The following CARD19 variants were observed in gnomAD, a reference collection of about 807,000 sequenced individuals.
CARD19 encodes the protein caspase recruitment domain family member 19, also known as caspase recruitment domain-containing protein 19.
A neutral mutation model predicts 24.1 loss-of-function variants in CARD19; 25 were observed. The ratio of observed to expected loss-of-function variants is 1.04; its 90% CI spans 0.76 to 1.45. The LOEUF is 1.45. CARD19 is among the 40% of genes most tolerant of loss of function. The pLI, the probability that CARD19 is intolerant of heterozygous loss-of-function variation, is 0.00. For synonymous variants in CARD19, 103 were observed against 104.9 expected (o/e 0.98, Z 0.11); for missense variants, 241 against 247.4 (o/e 0.97, Z 0.17).
chr9:93,110,515 C>A, intron 2 of CARD19, 53 bp from the exon 3 acceptor site: 3 of 1,546,280 alleles, frequency 1.9e-6, no homozygotes, highest in South Asian at 1.2e-5. Flanking sequence ...CTGCCCTGAC[C>A]CACAGCCAGC....
chr9:93,110,395 C>A, intron 2 of CARD19, 173 bp from the exon 3 acceptor site: 1 of 1,039,654 alleles, frequency 9.6e-7, no homozygotes, highest in South Asian at 1.7e-5. Flanking sequence ...AGAGGCAATG[C>A]CAGGCACTAT....
At chr9:93,109,755 C>G (rs1183392629) in intron 2 of CARD19, 1 of 152,194 alleles carries the variant, frequency 6.6e-6, no homozygotes, top group African/African-American at 2.4e-5. Context: ...TAGGCATGAG[C>G]CATTGTGCCT....
rs142716149 is a variant in CARD19 at position 93,102,349 on chromosome 9, A to G, written c.8-5325A>G. ...AAATGTCTATTCAAGTTCTTTGCCT[A>G]TTTTTGAATTGGGTTCTCTGTGTCT... On this transcript the variant is annotated intron_variant, in intron 1 of 5. Transcript: ENST00000375464. Among the ~76,000 whole-genome samples the G allele has an allele frequency of 2.6e-5, 4 of 152,114 alleles. No homozygotes were observed. In the East Asian group the frequency reaches 5.8e-4, roughly 22 times the overall value.
At chr9:93,106,580 A>AC (rs1554753882) in intron 1 of CARD19, among the ~76,000 whole-genome samples, 3 of 150,928 alleles carry the variant, frequency 2.0e-5, no homozygotes, top group African/African-American at 4.9e-5. Context: ...AAAAAAACAA[A>AC]AAAAAAAAAA....
At chr9:93,106,414 TA>T (rs56137204) in intron 1 of CARD19, among the ~76,000 whole-genome samples, 11 of 102,898 alleles carry the variant, frequency 1.1e-4, no homozygotes, top group South Asian at 3.6e-4. Context: ...CTGTCTCTAC[TA>T]AAAAAAAAAA....
intron 2 of CARD19, 135 bp from the exon 3 acceptor site, chr9:93,110,433 C>T (rs1397199405): frequency 1.6e-5 from 23 of 1,425,282 alleles, no homozygotes; most frequent in Non-Finnish European, 2.0e-5. Flanking sequence ...CAGGTTGTCA[C>T]AGGAGCTGCC....
chr9:93,103,433 T>A (rs577083989), intron 1 of CARD19, among the ~76,000 whole-genome samples: 2 of 152,346 alleles, frequency 1.3e-5, no homozygotes, highest in Non-Finnish European at 2.9e-5. Flanking sequence ...CCTAACACAA[T>A]GTAAATGCTA....
intron 2 of CARD19, among the ~76,000 whole-genome samples, chr9:93,108,185 T>C (rs569774694): frequency 6.7e-6 from 1 of 148,646 alleles, no homozygotes; most frequent in South Asian, 2.2e-4. Context: ...GAGGGAGGGG[T>C]GAGGAGGGAG....
intron 1 of CARD19, among the ~76,000 whole-genome samples, chr9:93,099,371 C>T (rs1826996830): frequency 6.6e-6 from 1 of 152,160 alleles, no homozygotes; most frequent in South Asian, 2.1e-4. Flanking sequence ...AGAGGCAGAA[C>T]GTCTGAATAT....
chr9:93,097,006 C>G (rs73651364), intron 1 of CARD19, among the ~76,000 whole-genome samples: 2,473 of 152,266 alleles, frequency 0.016, 62 homozygotes, highest in African/African-American at 0.057. Flanking sequence ...AGCCTTCCTC[C>G]CCAGGGCCTC....
intron 1 of CARD19, among the ~76,000 whole-genome samples, chr9:93,099,295 C>T (rs568494168): frequency 2.1e-4 from 32 of 152,284 alleles, no homozygotes; most frequent in Middle Eastern, 3.4e-3. Flanking sequence ...CAGCCTTGGG[C>T]GTGCTTTTGG....
At position 93,112,059 on chromosome 9, in the gene CARD19, C is replaced by T. The variant is rs879277381; in HGVS notation, c.364+121C>T. 5 of 1,411,530 alleles carry T rather than the reference C, an allele frequency of 3.5e-6. No individual in the cohort carries two copies. The Admixed American group carries it at 1.1e-4, about 30-fold the overall frequency. The allele number at this position is 1,411,530 out of a possible 1,614,324, so 87.4% of individuals were successfully genotyped here. ...CCCCAAGTCTGGCTCCATTCCTGGC[C>T]TTCTGTTGGTGACAGACCCCCCCCC... On this transcript the variant is annotated intron_variant, in intron 4 of 5. Coordinates refer to ENST00000375464, the MANE Select transcript of CARD19 (RefSeq NM_032310.5).
At chr9:93,111,043 G>A (rs1270485386) in intron 3 of CARD19, 17 of 1,400,602 alleles carry the variant, frequency 1.2e-5, no homozygotes, top group African/African-American at 1.4e-5. Flanking sequence ...CTCATTCCAC[G>A]GGGATCCCTT....
At chr9:93,111,572 T>TG in intron 3 of CARD19, 1 of 1,241,548 alleles carries the variant, frequency 8.1e-7, no homozygotes, top group Non-Finnish European at 1.0e-6. Context: ...TGGGACTGGC[T>TG]CTCCCTCCCC....
rs367756671 is a variant in CARD19, at chr9:93,106,582, A to AAC, written c.8-1091_8-1090insCA. On this transcript the variant is annotated intron_variant, in intron 1 of 5. Coordinates refer to ENST00000375464, the MANE Select transcript of CARD19 (RefSeq NM_032310.5). ...GACTCTATCTCAAAAAAAAACAAAA[A>AAC]AAAAAAAACAAAGTTTAACCTATTT... Among the ~76,000 whole-genome samples, 7 of 150,446 alleles carry AAC rather than the reference A, an allele frequency of 4.7e-5. No individual in the cohort carries two copies. The South Asian group carries it at 6.2e-4, about 13-fold the overall frequency.
Position 93,113,190 on chromosome 9 carries a change from T to C in CARD19, c.*83T>C, listed in dbSNP as rs752328386. On this transcript the variant is annotated 3_prime_UTR_variant, in exon 6 of 6. Transcript: ENST00000375464. ...CGCCAAGGGGACTGCTGCTTCTTTT[T>C]CTAAATGCATATTTTTCATTATTTA... 9 of 757,566 alleles carry C rather than the reference T, an allele frequency of 1.2e-5. No homozygotes were observed. The highest frequency in any genetic ancestry group is 2.3e-4 in the Middle Eastern group (1 of 4,280). The allele number at this position is 757,566 out of a possible 1,614,324, so 46.9% of individuals were successfully genotyped here.
chr9:93,106,301 G>T (rs551112640), intron 1 of CARD19, among the ~76,000 whole-genome samples: 1 of 151,402 alleles, frequency 6.6e-6, no homozygotes, highest in South Asian at 2.1e-4. Context: ...ATTTGGCTGG[G>T]TGTGGTGGCT....
intron 1 of CARD19, among the ~76,000 whole-genome samples, chr9:93,105,977 A>G (rs929563339): frequency 2.6e-5 from 4 of 152,156 alleles, no homozygotes; most frequent in African/African-American, 4.8e-5. Context: ...TTTGCTTCAT[A>G]TATTTTGAAG....
intron 2 of CARD19, among the ~76,000 whole-genome samples, chr9:93,109,445 C>G (rs909861614): frequency 6.6e-6 from 1 of 150,754 alleles, no homozygotes; most frequent in African/African-American, 2.4e-5. Context: ...CTCTGTCATA[C>G]ACATCAAAAG....
Sources: gnomAD v4.1 joint callset for allele counts (sites outside exome capture counted in the v4.1 genomes callset) on GRCh38, gnomAD v4.1.1 for gene constraint, MANE v1.5 for transcripts, NCBI Gene and HGNC (gene_info 2026-07-23, HGNC 2026-07-21) for gene names.